SNX29: variants seen among roughly 807,000 people sequenced by gnomAD.
SNX29 encodes the protein sorting nexin-29.
Under a neutral mutation model 102.1 loss-of-function variants are expected in SNX29, and 78 were observed. The observed-to-expected ratio is 0.76, with a 90% CI of 0.64 to 0.92. The LOEUF is 0.92. SNX29 is among the 40% of genes least tolerant of loss of function. SNX29 has a pLI of 0.00. For missense variants in SNX29, 1,280 were observed against 1,061.7 expected (o/e 1.21, Z -2.86); for synonymous variants, 580 against 414.5 (o/e 1.40, Z -4.85).
chr16:12,157,948 C>T (rs2055623206), intron 13 of SNX29, among the ~76,000 whole-genome samples: 1 of 152,212 alleles, frequency 6.6e-6, no homozygotes, highest in Non-Finnish European at 1.5e-5. Flanking sequence ...TCCAGTGCTT[C>T]ATCCTTTGTG....
intron 13 of SNX29, among the ~76,000 whole-genome samples, chr16:12,165,236 C>T (rs1217025371): frequency 3.3e-5 from 5 of 152,202 alleles, no homozygotes; most frequent in African/African-American, 9.7e-5. Context: ...GTGTTTCCTG[C>T]GTAATTGTCC....
At position 12,050,246 on chromosome 16, in the gene SNX29, A is replaced by G. The variant is rs147887143; in HGVS notation, c.749-1601A>G. Among the ~76,000 whole-genome samples the G allele has an allele frequency of 3.3e-3, 495 of 152,280 alleles. 5 individuals carry two copies. The highest frequency in any genetic ancestry group is 0.011 in the African/African-American group (474 of 41,554). On this transcript the variant is annotated intron_variant, in intron 7 of 20. Coordinates refer to ENST00000566228, the MANE Select transcript of SNX29 (RefSeq NM_032167.5). ...CCAGTGAGGCCTCACCGCATCACAC[A>G]TTGGTTTAGACAGATTGGATTTTTG...
chr16:12,455,223 G>A (rs1392074915), intron 18 of SNX29, among the ~76,000 whole-genome samples: 1 of 152,130 alleles, frequency 6.6e-6, no homozygotes, highest in Non-Finnish European at 1.5e-5. Flanking sequence ...GAACCCCACC[G>A]AGTCTGATTT....
intron 1 of SNX29, among the ~76,000 whole-genome samples, chr16:11,993,948 C>T (rs940425053): frequency 1.3e-5 from 2 of 152,158 alleles, no homozygotes; most frequent in South Asian, 4.1e-4. Flanking sequence ...TGGTGAAATC[C>T]CGTCTCTACT....
chr16:12,544,061 C>T (rs760848583), intron 20 of SNX29, among the ~76,000 whole-genome samples: 5 of 152,178 alleles, frequency 3.3e-5, no homozygotes, highest in Non-Finnish European at 2.9e-5. Context: ...ACAGGAATCA[C>T]ATTGGTAGGG....
At chr16:12,222,894 G>C (rs112957125) in intron 14 of SNX29, among the ~76,000 whole-genome samples, 5,902 of 152,252 alleles carry the variant, frequency 0.039, 414 homozygotes, top group African/African-American at 0.14. Flanking sequence ...TCATTTGGAT[G>C]CTTTGACAGC....
chr16:12,549,570 A>G (rs1323052715), intron 20 of SNX29, among the ~76,000 whole-genome samples: 1 of 151,990 alleles, frequency 6.6e-6, no homozygotes, highest in Non-Finnish European at 1.5e-5. Flanking sequence ...CCACCCTGGG[A>G]CCCCAGCCCT....
At chr16:12,509,653 T>C (rs1327130201) in intron 19 of SNX29, among the ~76,000 whole-genome samples, 1 of 152,214 alleles carries the variant, frequency 6.6e-6, no homozygotes, top group Admixed American at 6.5e-5. Flanking sequence ...GGGTAGTGGC[T>C]TACACCTGTA....
At chr16:12,349,444 G>A (rs2081931396) in intron 15 of SNX29, among the ~76,000 whole-genome samples, 1 of 152,218 alleles carries the variant, frequency 6.6e-6, no homozygotes, top group Non-Finnish European at 1.5e-5. Context: ...GTAAGACAAT[G>A]TACAGGTTGA....
At chr16:12,481,296 G>A (rs1314308769) in intron 19 of SNX29, among the ~76,000 whole-genome samples, 14 of 151,844 alleles carry the variant, frequency 9.2e-5, no homozygotes, top group Non-Finnish European at 2.1e-4. Flanking sequence ...GCAGTCTTGG[G>A]GCCACAGCTC....
chr16:12,469,333 C>T (rs1011375429), intron 18 of SNX29, among the ~76,000 whole-genome samples: 3 of 152,180 alleles, frequency 2.0e-5, no homozygotes, highest in Admixed American at 2.0e-4. Context: ...AGTGAGGACA[C>T]TTATAGTTAA....
chr16:12,121,788 G>A (rs1186769001), intron 11 of SNX29, among the ~76,000 whole-genome samples: 5 of 152,082 alleles, frequency 3.3e-5, no homozygotes, highest in Non-Finnish European at 2.9e-5. Flanking sequence ...GGGTGGGTTT[G>A]TTTATTTATT....
intron 16 of SNX29, among the ~76,000 whole-genome samples, chr16:12,381,875 G>T (rs2083177772): frequency 6.9e-6 from 1 of 144,776 alleles, no homozygotes; most frequent in South Asian, 2.3e-4. Flanking sequence ...CACCCATCAT[G>T]CATCCTCCCA....
chr16:12,485,076 A>G (rs1391374834), intron 19 of SNX29, among the ~76,000 whole-genome samples: 2 of 152,258 alleles, frequency 1.3e-5, no homozygotes, highest in African/African-American at 4.8e-5. Flanking sequence ...GTTGGCACAC[A>G]TTCAAAAAAT....
intron 3 of SNX29, among the ~76,000 whole-genome samples, chr16:12,005,238 C>G (rs1201644484): frequency 2.0e-5 from 3 of 152,140 alleles, no homozygotes; most frequent in Non-Finnish European, 4.4e-5. Context: ...TCTTGAGGGC[C>G]TACTATGGGG....
intron 16 of SNX29, among the ~76,000 whole-genome samples, chr16:12,371,711 C>T (rs1198267073): frequency 6.6e-6 from 1 of 152,236 alleles, no homozygotes; most frequent in Non-Finnish European, 1.5e-5. Context: ...GGAATCGCCA[C>T]ACTGTCCTGT....
At chr16:12,526,819 C>T (rs1216297080) in intron 20 of SNX29, 2 of 403,874 alleles carry the variant, frequency 5.0e-6, no homozygotes, top group South Asian at 2.4e-5. Flanking sequence ...ATCTCCGGTC[C>T]AGTGTTTCCC....
chr16:12,425,311 T>C (rs941929677), intron 18 of SNX29, among the ~76,000 whole-genome samples: 1 of 145,050 alleles, frequency 6.9e-6, no homozygotes, highest in East Asian at 2.0e-4. Flanking sequence ...ATGTGGCGGG[T>C]TAAGCAAATT....
rs538893839 is a variant in SNX29 at position 12,058,612 on chromosome 16, C to G, written c.1125-2916C>G. 1.5e-4 allele frequency among the ~76,000 whole-genome samples: 23 copies of G among 150,196 alleles called. 1 individual carries two copies. In the East Asian group the frequency reaches 4.5e-3, roughly 29 times the overall value. On this transcript the variant is annotated intron_variant, in intron 8 of 20. Transcript: ENST00000566228. ...GAGTTCAAGTGATTCTCCTGCCTCACCCTTCCAAGTAGCTGGGATTACAAG... is the reference window on the plus strand; with the variant it reads ...GAGTTCAAGTGATTCTCCTGCCTCAGCCTTCCAAGTAGCTGGGATTACAAG...
Sources: allele counts gnomAD v4.1 joint callset (sites outside exome capture counted in the v4.1 genomes callset), GRCh38; gene constraint gnomAD v4.1.1; transcripts MANE v1.5; gene names NCBI Gene and HGNC (gene_info 2026-07-23, HGNC 2026-07-21).